The following SQOR variants were observed in gnomAD, a reference collection of about 807,000 sequenced individuals.
The protein encoded by SQOR is sulfide quinone oxidoreductase, also known as sulfide:quinone oxidoreductase, mitochondrial.
Under a neutral mutation model 48.6 loss-of-function variants are expected in SQOR, and 39 were observed. The ratio of observed to expected loss-of-function variants is 0.80; its 90% confidence interval spans 0.62 to 1.05. The LOEUF (loss-of-function observed/expected upper bound fraction) is 1.05, where lower values mean the gene tolerates loss of function less well. Among genes scored for constraint, SQOR ranks in the 50% least tolerant of loss-of-function variants. The pLI is 0.00. For synonymous variants in SQOR, 220 were observed against 206.2 expected (o/e 1.07, Z -0.57); for missense variants, 561 against 559.9 (o/e 1.00, Z -0.02).
In SQOR at chr15:45,691,106, G is replaced by A. The variant is rs1301099179; in HGVS notation, c.*76G>A. The A allele has an allele frequency of 2.5e-5, 32 of 1,266,098 alleles. No homozygotes were observed. Among genetic ancestry groups the A allele is most frequent in the South Asian group, 1.2e-4 (10 of 84,044 alleles). 78.4% of individuals were successfully genotyped at this position (1,266,098 alleles called of 1,614,324 possible). A position where few individuals can be genotyped will look rare whatever the true frequency, so the allele number is the denominator to read the frequency against. On this transcript the variant is annotated 3_prime_UTR_variant, in exon 10 of 10. Coordinates refer to ENST00000260324, the MANE Select transcript of SQOR (RefSeq NM_021199.4). ...GTCACTGAATGACCAAGAGCAGCAC[G>A]AAGGACTTGGAACCTATCCTTGTAA...
intron 7 of SQOR, among the ~76,000 whole-genome samples, chr15:45,683,206 GCT>G (rs71998587): frequency 0.091 from 13,845 of 152,112 alleles, 811 homozygotes; most frequent in Middle Eastern, 0.2. Flanking sequence ...CACTTTTCTA[GCT>G]CTCTTGAATT....
intron 1 of SQOR, among the ~76,000 whole-genome samples, chr15:45,650,576 G>A (rs1485946332): frequency 1.3e-5 from 2 of 152,200 alleles, no homozygotes; most frequent in Non-Finnish European, 2.9e-5. Flanking sequence ...AGAAAGGACT[G>A]CCACCGCTCG....
intron 6 of SQOR, 108 bp downstream of exon 6, chr15:45,676,418 G>A (rs1000427778): frequency 1.7e-6 from 2 of 1,158,654 alleles, no homozygotes; most frequent in South Asian, 2.9e-5. Context: ...TGCTGGGGAA[G>A]ACTGGGTGAA....
intron 1 of SQOR, among the ~76,000 whole-genome samples, chr15:45,637,645 C>T (rs1009744223): frequency 6.6e-6 from 1 of 152,058 alleles, no homozygotes; most frequent in Admixed American, 6.6e-5. Context: ...TCAGTCAGGG[C>T]CCAGGGTCTG....
Position 45,636,386 on chromosome 15 carries a change from A to C in SQOR, c.-18+1278A>C, listed in dbSNP as rs1895005984. Among the ~76,000 whole-genome samples, 3 of 151,282 alleles carry C rather than the reference A, an allele frequency of 2.0e-5. No individual in the cohort carries two copies. In the Admixed American group the frequency reaches 2.0e-4, roughly 10 times the overall value. ...TAGGTAATACTTGTAATATAAGAAAATATCTGTAATTTCTTTCTTCTTTTT... is the reference window on the plus strand; with the variant it reads ...TAGGTAATACTTGTAATATAAGAAACTATCTGTAATTTCTTTCTTCTTTTT... On this transcript the variant is annotated intron_variant, in intron 1 of 9. Coordinates refer to ENST00000260324, the MANE Select transcript of SQOR (RefSeq NM_021199.4).
intron 2 of SQOR, among the ~76,000 whole-genome samples, 196 bp downstream of exon 2, chr15:45,659,353 A>G (rs2733250): frequency 0.82 from 124,941 of 152,012 alleles, 51,854 homozygotes; most frequent in Middle Eastern, 0.87. Context: ...AGAGAGGGAG[A>G]ACAGATCTCT....
intron 4 of SQOR, among the ~76,000 whole-genome samples, chr15:45,672,505 G>C (rs1040484024): frequency 6.6e-6 from 1 of 152,182 alleles, no homozygotes; most frequent in Non-Finnish European, 1.5e-5. Flanking sequence ...GAGATGAGAG[G>C]ACTCTGTTTC....
Position 45,659,083 on chromosome 15 carries a change from G to T in SQOR, c.160G>T (p.Gly54Cys), listed in dbSNP as rs748115877. The T allele has an allele frequency of 6.3e-7, 1 of 1,592,816 alleles. No homozygotes were observed. The highest frequency in any genetic ancestry group is 1.1e-5 in the South Asian group (1 of 87,820). The change falls in exon 2 of 10, where the codon GGC becomes TGC. Residue 54 changes from glycine to cysteine, a missense_variant. Gly to Cys is a radical substitution (Grantham distance 159, BLOSUM62 -3). Coordinates refer to ENST00000260324, the MANE Select transcript of SQOR (RefSeq NM_021199.4). ...YEVLVLGGGSGGITMAARMKR... is the reference protein window; with the variant it reads ...YEVLVLGGGSCGITMAARMKR... ...GGTGCTGGTGCTGGGTGGGGGCAGT[G>T]GCGGAATCACCATGGCTGCCCGCAT...
chr15:45,659,210 G>C, intron 2 of SQOR, 53 bp downstream of exon 2: 1 of 1,296,640 alleles, frequency 7.7e-7, no homozygotes, highest in Non-Finnish European at 1.0e-6. Flanking sequence ...GTGTGTGTGT[G>C]AGTGTGTGTG....
chr15:45,638,622 G>A (rs1450717043), intron 1 of SQOR, among the ~76,000 whole-genome samples: 1 of 152,032 alleles, frequency 6.6e-6, no homozygotes, highest in Non-Finnish European at 1.5e-5. Context: ...TACTCAGGGG[G>A]CTGAGGCATG....
At position 45,679,093 on chromosome 15, in the gene SQOR, G is replaced by C. The variant is rs1416743191; in HGVS notation, c.864+2783G>C. 4.6e-5 allele frequency among the ~76,000 whole-genome samples: 7 copies of C among 152,230 alleles called. No homozygotes were observed. In the East Asian group the frequency reaches 1.4e-3, roughly 29 times the overall value. On this transcript the variant is annotated intron_variant, in intron 6 of 9. Transcript: ENST00000260324. Reference sequence around the variant, plus strand: ...CTGGATAGCTGAGGTTGTAGGTAGGGGTGTGGATAAATGAATGGTTATTAT... The same window carrying C: ...CTGGATAGCTGAGGTTGTAGGTAGGCGTGTGGATAAATGAATGGTTATTAT...
chr15:45,669,106 T>C (rs774510275), intron 3 of SQOR, among the ~76,000 whole-genome samples: 7 of 150,516 alleles, frequency 4.7e-5, no homozygotes, highest in Non-Finnish European at 8.9e-5. Context: ...CCCAATAGAT[T>C]TTAGTTTTTT....
At chr15:45,659,185 T>C (rs928835840) in intron 2 of SQOR, 28 bp downstream of exon 2, 1 of 1,477,994 alleles carries the variant, frequency 6.8e-7, no homozygotes, top group African/African-American at 1.4e-5. Context: ...AGGGCCTGGG[T>C]GTGTGTGTAC....
At chr15:45,685,980 G>C (rs573488450) in intron 7 of SQOR, among the ~76,000 whole-genome samples, 221 of 97,150 alleles carry the variant, frequency 2.3e-3, no homozygotes, top group Non-Finnish European at 2.6e-3. Context: ...CACCCAAGTA[G>C]CTGGAACTGT....
chr15:45,654,215 C>G (rs528595897), intron 1 of SQOR, among the ~76,000 whole-genome samples: 1 of 152,050 alleles, frequency 6.6e-6, no homozygotes, highest in African/African-American at 2.4e-5. Flanking sequence ...TCCACCTTCT[C>G]TATAGGCAGG....
At chr15:45,672,192 G>A (rs1466888921) in intron 4 of SQOR, among the ~76,000 whole-genome samples, 3 of 152,144 alleles carry the variant, frequency 2.0e-5, no homozygotes, top group African/African-American at 4.8e-5. Flanking sequence ...GCGGTCCTGT[G>A]CGAAGACCCC....
intron 6 of SQOR, among the ~76,000 whole-genome samples, chr15:45,682,136 C>T (rs1890135118): frequency 6.6e-6 from 1 of 152,162 alleles, no homozygotes; most frequent in Non-Finnish European, 1.5e-5. Context: ...CTGAAATATA[C>T]CACCCCCTTA....
chr15:45,645,434 G>A (rs72713199), intron 1 of SQOR, among the ~76,000 whole-genome samples: 15,262 of 152,266 alleles, frequency 0.1, 832 homozygotes, highest in Middle Eastern at 0.25. Context: ...GTGCCTGTGA[G>A]GGGGTTTCTG....
intron 1 of SQOR, among the ~76,000 whole-genome samples, chr15:45,645,334 T>C (rs1895185429): frequency 6.6e-6 from 1 of 152,066 alleles, no homozygotes; most frequent in Non-Finnish European, 1.5e-5. Context: ...CTTCTTAGAG[T>C]TTAAGTCAGA....
Sources: allele counts gnomAD v4.1 joint callset (sites outside exome capture counted in the v4.1 genomes callset), GRCh38; gene constraint gnomAD v4.1.1; transcripts MANE v1.5; gene names NCBI Gene and HGNC (gene_info 2026-07-23, HGNC 2026-07-21).